Variants in MED12L observed in about 807,000 individuals in gnomAD.
MED12L encodes the protein mediator of RNA polymerase II transcription subunit 12-like protein.
A neutral mutation model predicts 281.3 loss-of-function variants in MED12L; 60 were observed. The ratio of observed to expected loss-of-function variants is 0.21; its 90% CI spans 0.17 to 0.26. MED12L has a LOEUF of 0.26. Among genes scored for constraint, MED12L ranks in the 10% least tolerant of loss-of-function variants. MED12L has a pLI of 1.00. For synonymous variants in MED12L, 974 were observed against 987.2 expected, an observed-to-expected ratio of 0.99 and a Z score of 0.25; for missense variants, 2,146 against 2,680.9, an observed-to-expected ratio of 0.80 and a Z score of 4.41.
At chr3:151,419,510 C>T (rs574146932) in intron 43 of MED12L, among the ~76,000 whole-genome samples, 1 of 152,278 alleles carries the variant, frequency 6.6e-6, no homozygotes, top group South Asian at 2.1e-4. Context: ...GGTGCGTCTG[C>T]CTTCCCCATC....
chr3:151,375,158 T>G (rs758814504), intron 27 of MED12L, among the ~76,000 whole-genome samples: 3 of 152,344 alleles, frequency 2.0e-5, no homozygotes, highest in African/African-American at 7.2e-5. Context: ...AAAAAATTAC[T>G]GATATTTGGG....
intron 2 of MED12L, among the ~76,000 whole-genome samples, chr3:151,103,540 T>C (rs1034540661): frequency 6.6e-6 from 1 of 152,226 alleles, no homozygotes; most frequent in African/African-American, 2.4e-5. Context: ...TCCATCTAAA[T>C]TGAATTTACT....
intron 5 of MED12L, among the ~76,000 whole-genome samples, chr3:151,138,159 A>G (rs1006323020): frequency 6.6e-6 from 1 of 152,030 alleles, no homozygotes; most frequent in African/African-American, 2.4e-5. Context: ...CATACTATAT[A>G]TACTGTTGGA....
intron 26 of MED12L, among the ~76,000 whole-genome samples, chr3:151,369,793 A>G (rs1406443451): frequency 6.6e-6 from 1 of 152,116 alleles, no homozygotes; most frequent in African/African-American, 2.4e-5. Flanking sequence ...TAGTTGCATA[A>G]TGTCTCATTC....
intron 2 of MED12L, among the ~76,000 whole-genome samples, chr3:151,113,042 A>C (rs1483202900): frequency 6.6e-6 from 1 of 152,234 alleles, no homozygotes; most frequent in Non-Finnish European, 1.5e-5. Context: ...CAGCCAATAC[A>C]CATTCTAAGT....
chr3:151,094,690 A>G lies in MED12L; in HGVS notation c.99+7665A>G, dbSNP rs574603348. On this transcript the variant is annotated intron_variant, in intron 2 of 44. Coordinates refer to ENST00000687756, the MANE Select transcript of MED12L (RefSeq NM_001393769.1). ...ACTTAAAAATATATATACACAATCT[A>G]GAAGGATTACCACTCACATGCAACC... Among the ~76,000 whole-genome samples, 24 of 152,360 alleles carry G rather than the reference A, an allele frequency of 1.6e-4. No homozygotes were observed. The East Asian group carries it at 4.4e-3, about 28-fold the overall frequency.
At chr3:151,416,611 A>G (rs1436657279) in intron 43 of MED12L, among the ~76,000 whole-genome samples, 189 bp downstream of exon 43, 2 of 152,204 alleles carry the variant, frequency 1.3e-5, no homozygotes, top group South Asian at 2.1e-4. Context: ...GATACAAGTA[A>G]ATATTTGGGA....
intron 5 of MED12L, among the ~76,000 whole-genome samples, chr3:151,137,990 G>A (rs556015979): frequency 3.0e-4 from 45 of 152,162 alleles, no homozygotes; most frequent in African/African-American, 1.0e-3. Context: ...ATGTGCAGAA[G>A]TTTTGCTTCT....
chr3:151,219,445 TC>T (rs773736011), intron 16 of MED12L: 11 of 152,226 alleles, frequency 7.2e-5, no homozygotes, highest in Non-Finnish European at 1.5e-4. Flanking sequence ...GAGCTGTAAT[TC>T]CTTCTGTGAA....
At chr3:151,225,121 C>G (rs899229962) in intron 16 of MED12L, among the ~76,000 whole-genome samples, 2 of 152,184 alleles carry the variant, frequency 1.3e-5, no homozygotes, top group Non-Finnish European at 2.9e-5. Context: ...CTTTCTGCCC[C>G]AGCACTGTGA....
intron 36 of MED12L, 35 bp from the exon 37 acceptor site, chr3:151,387,775 T>A: frequency 6.4e-7 from 1 of 1,563,374 alleles, no homozygotes; most frequent in Non-Finnish European, 8.7e-7. Flanking sequence ...GGAAAAGATC[T>A]GAGTGTGCTA....
chr3:151,355,781 C>T (rs962121207), intron 18 of MED12L, 115 bp from the exon 19 acceptor site: 16 of 827,686 alleles, frequency 1.9e-5, no homozygotes, highest in African/African-American at 7.0e-5. Flanking sequence ...TTTTGACTTT[C>T]GTCAAAGTAG....
chr3:151,395,333 T>G (rs867610138), intron 39 of MED12L, among the ~76,000 whole-genome samples: 13 of 152,218 alleles, frequency 8.5e-5, no homozygotes, highest in Admixed American at 7.9e-4. Context: ...TTAATTTTTG[T>G]TTCTAGTGTA....
rs1719589494 is a variant in MED12L, at chr3:151,158,614, A to G, written c.727-75A>G. The G allele has an allele frequency of 9.1e-6, 8 of 877,786 alleles. No individual in the cohort carries two copies. In the South Asian group the frequency reaches 1.2e-4, roughly 13 times the overall value. The allele number at this position is 877,786 out of a possible 1,614,324, so 54.4% of individuals were successfully genotyped here. On this transcript the variant is annotated intron_variant, in intron 6 of 44. Coordinates refer to ENST00000687756, the MANE Select transcript of MED12L (RefSeq NM_001393769.1). ...AAAAACAGTAGTACAGTTAGACTTA[A>G]GCATAAGAATGACAGTGCCTTTTTT...
intron 16 of MED12L, among the ~76,000 whole-genome samples, chr3:151,246,546 G>T (rs1001941390): frequency 2.0e-5 from 3 of 152,134 alleles, no homozygotes; most frequent in Non-Finnish European, 2.9e-5. Context: ...AATAAATGGT[G>T]CTGGGAAAAC....
At position 151,293,818 on chromosome 3, in the gene MED12L, C is replaced by T. The variant is rs944749193; in HGVS notation, c.2251-56241C>T. ...AGTTTCTTTTCCTATCCTTCAACTT[C>T]AAGGATAGATATAATTCTCTTTTCT... On this transcript the variant is annotated intron_variant, in intron 16 of 44. Coordinates refer to ENST00000687756, the MANE Select transcript of MED12L (RefSeq NM_001393769.1). Among the ~76,000 whole-genome samples the T allele has an allele frequency of 5.3e-5, 8 of 152,274 alleles. No homozygotes were observed. The South Asian group carries it at 6.2e-4, about 12-fold the overall frequency.
chr3:151,389,276 T>C (rs1713866846), intron 37 of MED12L, among the ~76,000 whole-genome samples: 1 of 152,192 alleles, frequency 6.6e-6, no homozygotes, highest in South Asian at 2.1e-4. Context: ...GCTCCCCAGG[T>C]CAGTCTGGTC....
At chr3:151,406,478 G>A (rs1335335635) in intron 39 of MED12L, among the ~76,000 whole-genome samples, 2 of 152,102 alleles carry the variant, frequency 1.3e-5, no homozygotes, top group African/African-American at 4.8e-5. Flanking sequence ...GGCAAAATTG[G>A]GAAGTGCTAG....
chr3:151,360,646 C>T (rs778294860), intron 21 of MED12L, 41 bp downstream of exon 21: 3 of 1,564,072 alleles, frequency 1.9e-6, no homozygotes, highest in African/African-American at 1.4e-5. Flanking sequence ...TAGGATCATG[C>T]CTATGTTTGT....
Sources: allele counts gnomAD v4.1 joint callset (sites outside exome capture counted in the v4.1 genomes callset), GRCh38; gene constraint gnomAD v4.1.1; transcripts MANE v1.5; gene names NCBI Gene and HGNC (gene_info 2026-07-23, HGNC 2026-07-21).